The following NKAIN2 variants were observed in gnomAD, a reference collection of about 807,000 sequenced individuals.
NKAIN2 encodes the protein sodium/potassium transporting ATPase interacting 2.
NKAIN2 carries 14 observed loss-of-function variants against 32.6 expected under a neutral mutation model. The observed-to-expected ratio is 0.43, with a 90% CI of 0.28 to 0.67. The LOEUF is 0.67. Among genes scored for constraint, NKAIN2 ranks in the 30% least tolerant of loss-of-function variants. The probability of loss-of-function intolerance (pLI) is 0.17; values close to 1 mark genes in which losing one functional copy is unlikely to be tolerated. For synonymous variants in NKAIN2, 80 were observed against 87.2 expected, an observed-to-expected ratio of 0.92 and a Z score of 0.46; for missense variants, 198 against 258.3, an observed-to-expected ratio of 0.77 and a Z score of 1.60.
At chr6:124,262,272 G>T (rs1188838194) in intron 1 of NKAIN2, among the ~76,000 whole-genome samples, 1 of 152,106 alleles carries the variant, frequency 6.6e-6, no homozygotes, top group Non-Finnish European at 1.5e-5. Context: ...AAATTCCATT[G>T]CCGTCCTGGA....
intron 1 of NKAIN2, among the ~76,000 whole-genome samples, chr6:123,978,114 G>A (rs556354554): frequency 1.3e-5 from 2 of 152,080 alleles, no homozygotes; most frequent in African/African-American, 4.8e-5. Context: ...TATTTTAAAA[G>A]CTTAATTTTT....
At chr6:124,386,418 C>T (rs1562146956) in intron 3 of NKAIN2, among the ~76,000 whole-genome samples, 1 of 152,146 alleles carries the variant, frequency 6.6e-6, no homozygotes, top group South Asian at 2.1e-4. Flanking sequence ...ACCACTTCCA[C>T]CTCTTGGTAA....
intron 3 of NKAIN2, among the ~76,000 whole-genome samples, chr6:124,470,496 C>T (rs768682645): frequency 1.3e-5 from 2 of 151,984 alleles, no homozygotes; most frequent in Non-Finnish European, 2.9e-5. Context: ...GAATAACTTG[C>T]AGGTTTTATT....
chr6:124,408,762 T>C (rs960468557), intron 3 of NKAIN2, among the ~76,000 whole-genome samples: 17 of 152,058 alleles, frequency 1.1e-4, no homozygotes, highest in Non-Finnish European at 2.1e-4. Context: ...ATGGGGATGG[T>C]ATTGAATCTA....
chr6:124,554,527 A>C (rs1027493487), intron 3 of NKAIN2, among the ~76,000 whole-genome samples: 1 of 152,224 alleles, frequency 6.6e-6, no homozygotes, highest in Non-Finnish European at 1.5e-5. Context: ...GGAAATGAGA[A>C]CTACTGTTTA....
In NKAIN2 at chr6:124,825,525, AT is replaced by A. The variant is rs1781549502; in HGVS notation, c.*2297del. 1 of 152,504 alleles carries A rather than the reference AT, an allele frequency of 6.6e-6. No homozygotes were observed. 9.4% of individuals were successfully genotyped at this position (152,504 alleles called of 1,614,324 possible). A position where few individuals can be genotyped will look rare whatever the true frequency, so the allele number is the denominator to read the frequency against. On this transcript the variant is annotated 3_prime_UTR_variant, in exon 7 of 7. Coordinates refer to ENST00000368417, the MANE Select transcript of NKAIN2 (RefSeq NM_001040214.3). ...TAATATTCAGAAGGCAAGGGTTATG[AT>A]CCTGATGTGTCCTTTTTTTTTGCAT...
chr6:124,116,974 A>G (rs1434903530), intron 1 of NKAIN2, among the ~76,000 whole-genome samples: 2 of 152,116 alleles, frequency 1.3e-5, no homozygotes, highest in African/African-American at 4.8e-5. Flanking sequence ...TTTTGGAAGT[A>G]TGTACAGGAG....
chr6:124,115,490 C>T (rs1217952664), intron 1 of NKAIN2, among the ~76,000 whole-genome samples: 1 of 151,828 alleles, frequency 6.6e-6, no homozygotes, highest in Non-Finnish European at 1.5e-5. Context: ...CATATATTTC[C>T]CTTGAGAAAA....
chr6:124,629,936 A>G (rs1783499120), intron 3 of NKAIN2, among the ~76,000 whole-genome samples: 1 of 152,158 alleles, frequency 6.6e-6, no homozygotes, highest in South Asian at 2.1e-4. Context: ...GCTGGTGTGC[A>G]CTTGGCCATG....
rs903551239 is a variant in NKAIN2 at position 124,380,494 on chromosome 6, T to C, written c.273+25147T>C. Among the ~76,000 whole-genome samples the C allele has an allele frequency of 2.0e-5, 3 of 152,198 alleles. No homozygotes were observed. The East Asian group carries it at 5.8e-4, about 29-fold the overall frequency. On this transcript the variant is annotated intron_variant, in intron 3 of 6. Coordinates refer to ENST00000368417, the MANE Select transcript of NKAIN2 (RefSeq NM_001040214.3). ...AGAATTGAGTGTGCCATCCAGGATC[T>C]GTCTCCTTCAACTGGCTGGATGTAG...
intron 1 of NKAIN2, among the ~76,000 whole-genome samples, chr6:123,955,843 G>C (rs1777555153): frequency 6.6e-6 from 1 of 151,932 alleles, no homozygotes; most frequent in Non-Finnish European, 1.5e-5. Flanking sequence ...TTCCAGACTG[G>C]TCTCAAATTC....
At chr6:123,960,198 C>A (rs1360208116) in intron 1 of NKAIN2, among the ~76,000 whole-genome samples, 3 of 152,158 alleles carry the variant, frequency 2.0e-5, no homozygotes, top group African/African-American at 7.2e-5. Flanking sequence ...CACTGTGCAG[C>A]ATACTGTTCA....
rs10685886 is a variant in NKAIN2, at chr6:124,658,958, TA to T, written c.474+587del. 819 of 114,384 alleles carry T rather than the reference TA, an allele frequency of 7.2e-3. 8 individuals are homozygous for T. The highest frequency in any genetic ancestry group is 0.021 in the African/African-American group (590 of 27,772). The allele number at this position is 114,384 out of a possible 1,614,324, so 7.1% of individuals were successfully genotyped here. ...CCCATTTTTCATAGTACTGTAACAA[TA>T]AAAAAAAAAAAAAACCTCCTTCTAC... On this transcript the variant is annotated intron_variant, in intron 4 of 6. Coordinates refer to ENST00000368417, the MANE Select transcript of NKAIN2 (RefSeq NM_001040214.3).
intron 1 of NKAIN2, among the ~76,000 whole-genome samples, chr6:124,058,016 CA>C (rs1351397891): frequency 2.0e-5 from 3 of 151,944 alleles, no homozygotes; most frequent in Non-Finnish European, 4.4e-5. Flanking sequence ...ATTGTTTAAA[CA>C]GGAACACAAT....
intron 1 of NKAIN2, among the ~76,000 whole-genome samples, chr6:124,026,572 G>A (rs570224437): frequency 3.8e-4 from 58 of 152,152 alleles, no homozygotes; most frequent in Non-Finnish European, 5.7e-4. Context: ...GGATATCCAT[G>A]ACACTACTCC....
intron 3 of NKAIN2, among the ~76,000 whole-genome samples, chr6:124,503,423 T>C (rs944074281): frequency 6.6e-6 from 1 of 152,150 alleles, no homozygotes. Flanking sequence ...TAAGGTTACT[T>C]GTGCTGATGT....
intron 2 of NKAIN2, among the ~76,000 whole-genome samples, chr6:124,341,054 C>T (rs184553705): frequency 6.6e-6 from 1 of 151,992 alleles, no homozygotes; most frequent in Non-Finnish European, 1.5e-5. Flanking sequence ...TAAAATAATG[C>T]CTGTTGGATG....
intron 1 of NKAIN2, among the ~76,000 whole-genome samples, chr6:124,023,823 T>C (rs548551984): frequency 6.6e-6 from 1 of 152,130 alleles, no homozygotes; most frequent in Non-Finnish European, 1.5e-5. Context: ...AGGCAAATAG[T>C]TGAGGAATTT....
rs1166737203 is a variant in NKAIN2 at position 124,236,477 on chromosome 6, G to T, written c.55-46528G>T. ...TGGGAACAATATGAGTGATGATATT[G>T]AGTATGGATAGCACTGAATTTTTCA... On this transcript the variant is annotated intron_variant, in intron 1 of 6. Transcript: ENST00000368417. 4.6e-5 allele frequency among the ~76,000 whole-genome samples: 7 copies of T among 152,152 alleles called. No individual in the cohort carries two copies. In the East Asian group the frequency reaches 1.4e-3, roughly 29 times the overall value.
Sources: allele counts gnomAD v4.1 joint callset (sites outside exome capture counted in the v4.1 genomes callset), GRCh38; gene constraint gnomAD v4.1.1; transcripts MANE v1.5; gene names NCBI Gene and HGNC (gene_info 2026-07-23, HGNC 2026-07-21).